ABCC9: variants seen among roughly 807,000 people sequenced by gnomAD.
The protein encoded by ABCC9 is ATP-binding cassette sub-family C member 9.
ABCC9 carries 95 observed loss-of-function variants against 188.3 expected under a neutral mutation model. The observed-to-expected ratio is 0.50, with a 90% CI of 0.43 to 0.60. The LOEUF is 0.60. Ranked by LOEUF, ABCC9 falls within the 20% of genes least tolerant of loss-of-function variation. The pLI is 0.00. For synonymous variants in ABCC9, 659 were observed against 652.7 expected (o/e 1.01, Z -0.15); for missense variants, 1,102 against 1,876.3 (o/e 0.59, Z 7.62).
At chr12:21,864,071 C>T (rs1945661974) in intron 19 of ABCC9, among the ~76,000 whole-genome samples, 1 of 151,852 alleles carries the variant, frequency 6.6e-6, no homozygotes, top group African/African-American at 2.4e-5. Context: ...AAGCACTTGG[C>T]TCTTCATCTC....
chr12:21,827,242 T>C, intron 31 of ABCC9: 3 of 985,354 alleles, frequency 3.0e-6, no homozygotes, highest in Non-Finnish European at 2.4e-6. Context: ...CTTCTGGCTA[T>C]GAGAACAGAG....
Position 21,882,773 on chromosome 12 carries a change from G to A in ABCC9, c.2012C>T (p.Ala671Val). Residue 671 changes from alanine (A) to valine (V), a missense_variant, in exon 16 of 40, where the codon GCA becomes GTA. Ala to Val is a moderately conservative substitution (Grantham distance 64). Around this residue, in one of 12 missense-constraint regions of ABCC9, gnomAD observed 258 missense variants for 325.6 expected, o/e 0.79. Coordinates refer to ENST00000261200, the MANE Select transcript of ABCC9 (RefSeq NM_020297.4). The stretch of plus-strand genomic sequence containing the variant: ...CCAGGAAATAAAAATAACCTTTATT[G>A]CAATGTCCTCTGTTTCTGCGGGACG... ...RLRPAETEDI[A>V]IKVTNGYFSW... 1.9e-6 allele frequency: 3 copies of A among 1,606,900 alleles called. No homozygotes were observed. Among genetic ancestry groups the A allele is most frequent in the Non-Finnish European group, 2.6e-6 (3 of 1,173,514 alleles).
At chr12:21,910,444 T>C (rs1467525805) in intron 9 of ABCC9, 132 bp from the exon 10 acceptor site, 1 of 895,864 alleles carries the variant, frequency 1.1e-6, no homozygotes, top group African/African-American at 1.7e-5. Flanking sequence ...TATAGGATCA[T>C]CTTCTTAAAT....
chr12:21,814,571 G>T, intron 35 of ABCC9, 73 bp downstream of exon 35: 1 of 1,266,766 alleles, frequency 7.9e-7, no homozygotes, highest in Non-Finnish European at 1.2e-6. Context: ...GATTTCTGCA[G>T]GATTAGGTAA....
intron 26 of ABCC9, 133 bp downstream of exon 26, chr12:21,845,470 A>T: frequency 1.4e-6 from 1 of 706,838 alleles, no homozygotes; most frequent in Non-Finnish European, 2.4e-6. Flanking sequence ...GTCCTGTTGT[A>T]ATTATTAACT....
rs370465941 is a variant in ABCC9, at chr12:21,888,700, G to T, written c.1803-766C>A. On this transcript the variant is annotated intron_variant, in intron 14 of 39. Coordinates refer to ENST00000261200, the MANE Select transcript of ABCC9 (RefSeq NM_020297.4). ...CTTTAATGTGACCTCCTTAGGCTGG[G>T]CACAAGACTCCTTGGCTCATCTACT... 1.7e-3 allele frequency among the ~76,000 whole-genome samples: 264 copies of T among 152,186 alleles called. 1 individual carries two copies. Among genetic ancestry groups the T allele is most frequent in the African/African-American group, 6.2e-3 (257 of 41,534 alleles).
chr12:21,904,608 A>T (rs1565468222), intron 12 of ABCC9, among the ~76,000 whole-genome samples: 2 of 152,230 alleles, frequency 1.3e-5, no homozygotes, highest in Non-Finnish European at 2.9e-5. Context: ...CCCATCAAAA[A>T]GTGGGCAAAG....
chr12:21,915,512 A>ATTTTTTTTTTTTTTT (rs1254915972), intron 7 of ABCC9, among the ~76,000 whole-genome samples, 156 bp downstream of exon 7: 24 of 382 alleles, frequency 0.063, 4 homozygotes, highest in Non-Finnish European at 0.11. Context: ...ATATATATAT[A>ATTTTTTTTTTTTTTT]TATTTTTTTT....
At chr12:21,899,222 A>T (rs1174383920) in intron 12 of ABCC9, among the ~76,000 whole-genome samples, 1 of 152,224 alleles carries the variant, frequency 6.6e-6, no homozygotes. Flanking sequence ...CGTTGCAATC[A>T]TCTGAATCAT....
chr12:21,906,616 A>G (rs560506148), intron 11 of ABCC9, among the ~76,000 whole-genome samples: 3 of 152,250 alleles, frequency 2.0e-5, no homozygotes, highest in Non-Finnish European at 4.4e-5. Flanking sequence ...ATAAATTTAC[A>G]TAATAAGGAG....
chr12:21,829,339 C>T (rs1943594347), intron 30 of ABCC9, among the ~76,000 whole-genome samples: 1 of 151,418 alleles, frequency 6.6e-6, no homozygotes, highest in South Asian at 2.1e-4. Context: ...GTAGCTGGGA[C>T]TACAGGCACC....
chr12:21,900,873 A>G (rs1947710511), intron 12 of ABCC9, among the ~76,000 whole-genome samples: 1 of 152,212 alleles, frequency 6.6e-6, no homozygotes, highest in Admixed American at 6.5e-5. Flanking sequence ...AAGCTAGAAA[A>G]CACTCTGCAG....
chr12:21,816,008 A>G, intron 33 of ABCC9, 115 bp from the exon 34 acceptor site: 2 of 411,636 alleles, frequency 4.9e-6, no homozygotes, highest in Non-Finnish European at 7.3e-6. Context: ...TCTAAATTTA[A>G]AGTAATACTG....
At chr12:21,894,550 G>T (rs1217847665) in intron 13 of ABCC9, among the ~76,000 whole-genome samples, 1 of 71,892 alleles carries the variant, frequency 1.4e-5, no homozygotes, top group Non-Finnish European at 3.1e-5. Flanking sequence ...CTGTTGTTTT[G>T]GGGTCCTCAC....
chr12:21,907,321 G>A (rs1159506132), intron 11 of ABCC9, among the ~76,000 whole-genome samples: 1 of 151,974 alleles, frequency 6.6e-6, no homozygotes, highest in African/African-American at 2.4e-5. Context: ...GATAAACACC[G>A]CTTGCGTGAC....
Position 21,844,520 on chromosome 12 carries a change from A to G in ABCC9, c.3278T>C (p.Leu1093Pro). 1.2e-6 allele frequency: 2 copies of G among 1,613,840 alleles called. No individual in the cohort carries two copies. The highest frequency in any genetic ancestry group is 1.7e-6 in the Non-Finnish European group (2 of 1,179,748). ...FFDTTPLGLI[L>P]NRFSADTNII... ...ATTAGTATCAGCTGAAAAGCGATTG[A>G]GAATCAGTCCCAGGGGTGTGGTATC... The change falls in exon 28 of 40, where the codon CTC (leucine) becomes CCC (proline). Residue 1093 changes from leucine to proline, a missense_variant. Around this residue, in one of 12 missense-constraint regions of ABCC9, gnomAD observed 74 missense variants for 132.7 expected, o/e 0.56. Transcript: ENST00000261200.
At chr12:21,896,886 T>C (rs1947457597) in intron 12 of ABCC9, among the ~76,000 whole-genome samples, 3 of 152,246 alleles carry the variant, frequency 2.0e-5, no homozygotes, top group African/African-American at 4.8e-5. Flanking sequence ...AACATACACA[T>C]GCATGTATCT....
At chr12:21,807,535 T>C (rs1407504854) in intron 37 of ABCC9, 56 bp from the exon 38 acceptor site, 9 of 1,610,490 alleles carry the variant, frequency 5.6e-6, no homozygotes, top group Non-Finnish European at 7.6e-6. Flanking sequence ...AACATTTACC[T>C]TGGACAAAAT....
rs367621959 is a variant in ABCC9 at position 21,872,632 on chromosome 12, A to C, written c.2191T>G (p.Trp731Gly). 5 of 1,612,416 alleles carry C rather than the reference A, an allele frequency of 3.1e-6. No homozygotes were observed. In the Admixed American group the frequency reaches 8.3e-5, roughly 27 times the overall value. The change falls in exon 18 of 40, where the codon TGG (tryptophan) becomes GGG (glycine). Residue 731 changes from tryptophan to glycine, a missense_variant. Physicochemically the swap from Trp to Gly is radical, Grantham distance 184. Transcript: ENST00000261200. ...AACTAAAAATATACATACTTGCTCCAGTGAACTTTTCCTTCCAATGTCTGC... is the reference window on the plus strand; with the variant it reads ...AACTAAAAATATACATACTTGCTCCCGTGAACTTTTCCTTCCAATGTCTGC... ...EMQTLEGKVH[W>G]SNVNESEPSF...
Sources: allele counts gnomAD v4.1 joint callset (sites outside exome capture counted in the v4.1 genomes callset), GRCh38; gene constraint gnomAD v4.1.1; regional missense constraint gnomAD v4.1.1; transcripts MANE v1.5; gene names NCBI Gene and HGNC (gene_info 2026-07-23, HGNC 2026-07-21).